AFF2: variants seen among roughly 807,000 people sequenced by gnomAD.
The protein encoded by AFF2 is AF4/FMR2 family member 2.
AFF2 carries 14 observed loss-of-function variants against 76.9 expected under a neutral mutation model. The observed-to-expected ratio is 0.18, with a 90% CI of 0.12 to 0.28. AFF2 has a LOEUF of 0.28. Among genes scored for constraint, AFF2 ranks in the 10% least tolerant of loss-of-function variants. The probability of loss-of-function intolerance (pLI) is 1.00; values close to 1 mark genes in which losing one functional copy is unlikely to be tolerated. For synonymous variants in AFF2, 398 were observed against 366.7 expected (o/e 1.09, Z -0.98); for missense variants, 868 against 1,001.1 (o/e 0.87, Z 1.79).
intron 1 of AFF2, among the ~76,000 whole-genome samples, chrX:148,566,131 G>A (rs66504613): frequency 0.3 from 32,831 of 110,102 alleles, 3,738 homozygotes; most frequent in African/African-American, 0.36. Flanking sequence ...ACTCTGTGAG[G>A]TATCATTATC....
intron 3 of AFF2, among the ~76,000 whole-genome samples, chrX:148,720,785 T>G (rs1285938741): frequency 8.9e-6 from 1 of 112,363 alleles, no homozygotes; most frequent in Non-Finnish European, 1.9e-5. Context: ...TAAGTGACAC[T>G]TGCAATTTAT....
intron 4 of AFF2, among the ~76,000 whole-genome samples, chrX:148,830,894 A>G (rs1312201263): frequency 9.0e-6 from 1 of 111,116 alleles, no homozygotes; most frequent in Admixed American, 9.5e-5. Context: ...TGGGAGCGCT[A>G]TGGGAGACCC....
intron 4 of AFF2, among the ~76,000 whole-genome samples, chrX:148,830,941 A>T (rs2070446657): frequency 8.9e-6 from 1 of 111,825 alleles, no homozygotes. Flanking sequence ...CTGTAAAAAA[A>T]AAAGACAGAC....
chrX:148,665,777 C>A (rs1162665078), intron 3 of AFF2, among the ~76,000 whole-genome samples: 3 of 111,833 alleles, frequency 2.7e-5, no homozygotes, highest in Non-Finnish European at 5.6e-5. Flanking sequence ...TTCCTGGCGC[C>A]AAGGAGTTTC....
intron 3 of AFF2, among the ~76,000 whole-genome samples, chrX:148,748,450 G>A (rs782763610): frequency 2.0e-4 from 22 of 112,077 alleles, no homozygotes; most frequent in Admixed American, 1.8e-3. Context: ...TGTGCATTTT[G>A]CCAGTGAGCT....
At chrX:148,516,904 T>C (rs2052541319) in intron 1 of AFF2, among the ~76,000 whole-genome samples, 1 of 112,019 alleles carries the variant, frequency 8.9e-6, no homozygotes, top group African/African-American at 3.2e-5. Context: ...TGGGTCCTAG[T>C]ATTATTCATT....
chrX:148,809,933 C>A lies in AFF2; in HGVS notation c.1086+13C>A, dbSNP rs781857311. 1 of 1,205,811 alleles carries A rather than the reference C, an allele frequency of 8.3e-7. No individual in the cohort carries two copies. The highest frequency in any genetic ancestry group is 1.7e-5 in the African/African-American group (1 of 57,556). On this transcript the variant is annotated intron_variant, in intron 4 of 20. Transcript: ENST00000370460. ...AGAAATCTTGCGGGTGAGTTTAAAC[C>A]TTTATTTTTGTGCCTTTTAATAATG...
At chrX:148,645,475 A>G (rs2054135473) in intron 1 of AFF2, among the ~76,000 whole-genome samples, 1 of 112,260 alleles carries the variant, frequency 8.9e-6, no homozygotes. Flanking sequence ...TCTTTTTTGG[A>G]CACACTGTAA....
chrX:148,673,755 G>A (rs1358704674), intron 3 of AFF2, among the ~76,000 whole-genome samples: 1 of 111,714 alleles, frequency 9.0e-6, no homozygotes, highest in African/African-American at 3.3e-5. Flanking sequence ...TTTGGAGGGA[G>A]GTGGGCTTCT....
At chrX:148,563,354 G>C (rs2053135256) in intron 1 of AFF2, among the ~76,000 whole-genome samples, 1 of 111,824 alleles carries the variant, frequency 8.9e-6, no homozygotes, top group African/African-American at 3.2e-5. Flanking sequence ...CTGCTATGTG[G>C]GGAACAAAAT....
intron 3 of AFF2, among the ~76,000 whole-genome samples, chrX:148,790,853 T>G (rs2069884235): frequency 9.0e-6 from 1 of 111,443 alleles, no homozygotes. Flanking sequence ...AAAATAAAAA[T>G]AAAAAGATTG....
At chrX:148,755,859 G>A (rs1485487686) in intron 3 of AFF2, among the ~76,000 whole-genome samples, 1 of 111,547 alleles carries the variant, frequency 9.0e-6, no homozygotes, top group Non-Finnish European at 1.9e-5. Flanking sequence ...TTGGTCATCT[G>A]AGCCCTTTGC....
rs1452148973 is a variant in AFF2, at chrX:148,980,757, C to A, written c.3590C>A (p.Ala1197Glu). 3.6e-5 allele frequency: 43 copies of A among 1,197,947 alleles called. No individual in the cohort carries two copies. The highest frequency in any genetic ancestry group is 4.2e-5 in the Non-Finnish European group (37 of 887,019). The change falls in exon 19 of 21, where the codon GCA becomes GAA. Residue 1197 changes from alanine to glutamate, a missense_variant. By Grantham distance (107) the Ala-to-Glu change is moderately radical. Coordinates refer to ENST00000370460, the MANE Select transcript of AFF2 (RefSeq NM_002025.4). Reference protein sequence around the residue: ...EYFKQNASKVAQIPSPWVSNG... With the variant: ...EYFKQNASKVEQIPSPWVSNG... Reference sequence around the variant, plus strand: ...TTTTAGCAAAATGCTTCAAAAGTCGCACAGATACCCTCTCCATGGGTAAGC... The same window carrying A: ...TTTTAGCAAAATGCTTCAAAAGTCGAACAGATACCCTCTCCATGGGTAAGC...
chrX:148,980,819 G>A lies in AFF2; in HGVS notation c.3623+29G>A, dbSNP rs374615982. The A allele has an allele frequency of 3.2e-5, 34 of 1,075,122 alleles. No individual in the cohort carries two copies. In the East Asian group the frequency reaches 7.3e-4, roughly 23 times the overall value. 88.6% of individuals were successfully genotyped at this position (1,075,122 alleles called of 1,213,427 possible). ...AGTATTTTCTGAAAATTGCTTTTTC[G>A]TGAAGATGAGTGATTCAATAGACCC... On this transcript the variant is annotated intron_variant, in intron 19 of 20. Coordinates refer to ENST00000370460, the MANE Select transcript of AFF2 (RefSeq NM_002025.4).
chrX:148,780,242 A>C (rs1300634626), intron 3 of AFF2, among the ~76,000 whole-genome samples: 2 of 111,410 alleles, frequency 1.8e-5, no homozygotes, highest in African/African-American at 6.5e-5. Context: ...TGCTCTTCTC[A>C]AGGAGTATCT....
intron 9 of AFF2, among the ~76,000 whole-genome samples, chrX:148,951,368 T>C (rs1249727370): frequency 1.8e-5 from 2 of 111,929 alleles, no homozygotes; most frequent in Non-Finnish European, 3.8e-5. Context: ...AATTATCTAG[T>C]AAGTGGAACT....
At chrX:148,710,650 AT>A (rs2054956130) in intron 3 of AFF2, among the ~76,000 whole-genome samples, 1 of 112,121 alleles carries the variant, frequency 8.9e-6, no homozygotes, top group African/African-American at 3.2e-5. Context: ...TATAAAACAC[AT>A]TGAGAAATAA....
At chrX:148,754,608 G>A (rs2055539409) in intron 3 of AFF2, among the ~76,000 whole-genome samples, 1 of 110,439 alleles carries the variant, frequency 9.1e-6, no homozygotes, top group Non-Finnish European at 1.9e-5. Context: ...TTCCTGTGTG[G>A]CCCCTCCCAC....
At chrX:148,773,750 AAGAAAGAAG>A (rs2069633238) in intron 3 of AFF2, among the ~76,000 whole-genome samples, 1 of 99,475 alleles carries the variant, frequency 1.0e-5, no homozygotes, top group African/African-American at 3.6e-5. Context: ...AAGAAAGAGA[AAGAAAGAAG>A]GAAAGAAAGA....
Sources: gnomAD v4.1 joint callset for allele counts (sites outside exome capture counted in the v4.1 genomes callset) on GRCh38, gnomAD v4.1.1 for gene constraint, MANE v1.5 for transcripts, NCBI Gene and HGNC (gene_info 2026-07-23, HGNC 2026-07-21) for gene names.